The following ZNF26 variants were observed in gnomAD, a reference collection of about 807,000 sequenced individuals.
ZNF26 encodes the protein epididymis luminal protein 179.
Under a neutral mutation model 54.9 loss-of-function variants are expected in ZNF26, and 32 were observed. The ratio of observed to expected loss-of-function variants is 0.58; its 90% CI spans 0.44 to 0.78. The LOEUF is 0.78. Among genes scored for constraint, ZNF26 ranks in the 30% least tolerant of loss-of-function variants. ZNF26 has a pLI of 0.00. For synonymous variants in ZNF26, 221 were observed against 209.2 expected, an observed-to-expected ratio of 1.06 and a Z score of -0.49; for missense variants, 524 against 634.0, an observed-to-expected ratio of 0.83 and a Z score of 1.86.
At chr12:132,997,181 C>T (rs1215894557) in intron 1 of ZNF26, among the ~76,000 whole-genome samples, 2 of 152,220 alleles carry the variant, frequency 1.3e-5, no homozygotes, top group African/African-American at 4.8e-5. Flanking sequence ...TCTTAGAGGC[C>T]TTCCCAGAAC....
At position 133,010,320 on chromosome 12, in the gene ZNF26, A is replaced by G; in HGVS notation, c.441A>G (p.Arg147=). 1 of 1,614,032 alleles carries G rather than the reference A, an allele frequency of 6.2e-7. No homozygotes were observed. The highest frequency in any genetic ancestry group is 1.1e-5 in the South Asian group (1 of 91,052). Residue 147 remains arginine, a synonymous_variant, in exon 4 of 4, where the codon AGA becomes AGG. Transcript: ENST00000328654. The stretch of plus-strand genomic sequence containing the variant: ...CAGCTCCAAGCAGAAGTTATTTAAG[A>G]AAGAATCCTGATAAGTTTCATGGTT... ...QNSAPSRSYL[R]KNPDKFHGYE... is the part of the protein sequence containing the mutation.
chr12:133,024,669 C>G lies in ZNF26; in HGVS notation c.*13188C>G, dbSNP rs1022531270. 3.9e-5 allele frequency: 6 copies of G among 152,162 alleles called. No homozygotes were observed. The highest frequency in any genetic ancestry group is 7.3e-5 in the Non-Finnish European group (5 of 68,030). The allele number at this position is 152,162 out of a possible 1,614,324, so 9.4% of individuals were successfully genotyped here. The stretch of plus-strand genomic sequence containing the variant: ...CCAGAAAGATCTGAAGCGGTGCCTC[C>G]TGACCCCCTTCAATGAATAAACAAA... On this transcript the variant is annotated 3_prime_UTR_variant, in exon 4 of 4. Coordinates refer to ENST00000328654, the MANE Select transcript of ZNF26 (RefSeq NM_019591.4).
At chr12:132,997,412 A>G (rs1953111548) in intron 1 of ZNF26, among the ~76,000 whole-genome samples, 1 of 152,132 alleles carries the variant, frequency 6.6e-6, no homozygotes. Context: ...AGTCCAGAAC[A>G]GGGGTTAATC....
chr12:133,010,754 G>T lies in ZNF26; in HGVS notation c.875G>T (p.Gly292Val). ...GVKPYECSEC[G>V]KAFSLKSPFV... ...AAACCGTATGAATGCAGCGAATGTG[G>T]GAAAGCCTTTAGTTTGAAGTCTCCA... Residue 292 changes from glycine to valine, a missense_variant, in exon 4 of 4, where the codon GGG becomes GTG. Coordinates refer to ENST00000328654, the MANE Select transcript of ZNF26 (RefSeq NM_019591.4). 1 of 1,613,566 alleles carries T rather than the reference G, an allele frequency of 6.2e-7. No individual in the cohort carries two copies. The highest frequency in any genetic ancestry group is 1.7e-5 in the Admixed American group (1 of 59,996).
At chr12:132,991,483 G>T (rs1454934651) in intron 1 of ZNF26, among the ~76,000 whole-genome samples, 1 of 151,630 alleles carries the variant, frequency 6.6e-6, no homozygotes, top group Non-Finnish European at 1.5e-5. Context: ...GGGCGACAGA[G>T]CGAGACTCAA....
intron 1 of ZNF26, among the ~76,000 whole-genome samples, chr12:132,991,630 CAA>C (rs1296804934): frequency 2.9e-5 from 2 of 68,262 alleles, no homozygotes; most frequent in Admixed American, 2.4e-4. Context: ...ACAACAACAA[CAA>C]AAAAAAAAAA....
intron 1 of ZNF26, chr12:133,006,059 T>G (rs1953317538): frequency 1.0e-6 from 1 of 984,808 alleles, no homozygotes. Flanking sequence ...CATAATAGAT[T>G]TGCCAGTTTT....
In ZNF26 at chr12:133,013,883, A is replaced by G. The variant is rs1414106453; in HGVS notation, c.*2402A>G. The G allele has an allele frequency of 6.5e-6, 1 of 152,914 alleles. No homozygotes were observed. The highest frequency in any genetic ancestry group is 1.9e-4 in the East Asian group (1 of 5,204). 9.5% of individuals were successfully genotyped at this position (152,914 alleles called of 1,614,324 possible). On this transcript the variant is annotated 3_prime_UTR_variant, in exon 4 of 4. Coordinates refer to ENST00000328654, the MANE Select transcript of ZNF26 (RefSeq NM_019591.4). ...TGGCAATATATAAAATTCAAACTTG[A>G]GTGTCCATAAATAACTGTTGTTGGA...
At chr12:132,997,639 G>A (rs1208931915) in intron 1 of ZNF26, among the ~76,000 whole-genome samples, 1 of 152,204 alleles carries the variant, frequency 6.6e-6, no homozygotes, top group Non-Finnish European at 1.5e-5. Flanking sequence ...AACAGATTAG[G>A]CCAAGGAGGG....
chr12:132,990,621 G>A (rs1197115391), intron 1 of ZNF26, among the ~76,000 whole-genome samples: 2 of 152,158 alleles, frequency 1.3e-5, no homozygotes, highest in Non-Finnish European at 2.9e-5. Context: ...AAAAAGATTG[G>A]TGTGATTTTT....
At position 133,011,672 on chromosome 12, in the gene ZNF26, GA is replaced by G; in HGVS notation, c.*193del. 1 of 458,752 alleles carries G rather than the reference GA, an allele frequency of 2.2e-6. No individual in the cohort carries two copies. Among genetic ancestry groups the G allele is most frequent in the South Asian group, 5.5e-5 (1 of 18,226 alleles). The allele number at this position is 458,752 out of a possible 1,614,324, so 28.4% of individuals were successfully genotyped here. Reference sequence around the variant, plus strand: ...CAAATCTTTGTAGATGAAAATAATGGAAGGAATGTGGAGCAATAAATGTATC... The same window carrying G: ...CAAATCTTTGTAGATGAAAATAATGGAGGAATGTGGAGCAATAAATGTATC... On this transcript the variant is annotated 3_prime_UTR_variant, in exon 4 of 4. Transcript: ENST00000328654.
Position 133,011,321 on chromosome 12 carries a change from C to T in ZNF26, c.1442C>T (p.Pro481Leu). The T allele has an allele frequency of 6.2e-7, 1 of 1,614,026 alleles. No individual in the cohort carries two copies. Among genetic ancestry groups the T allele is most frequent in the Admixed American group, 1.7e-5 (1 of 60,012 alleles). Residue 481 changes from proline to leucine, a missense_variant, in exon 4 of 4, where the codon CCT becomes CTT. Coordinates refer to ENST00000328654, the MANE Select transcript of ZNF26 (RefSeq NM_019591.4). Reference sequence around the variant, plus strand: ...CAGAAAACTCATTCGGGAGAGAAACCTTTTAAATGCAGTGAATGTGGAAAA... The same window carrying T: ...CAGAAAACTCATTCGGGAGAGAAACTTTTTAAATGCAGTGAATGTGGAAAA... ...IHQKTHSGEK[P>L]FKCSECGKAF... is the part of the protein sequence containing the mutation.
chr12:133,010,260 C>G lies in ZNF26; in HGVS notation c.381C>G (p.Leu127=). ...CCCATGATTCTTCAAGACAGAGACTCTATAACACACGTGGAAAAAGTTTGA... is the reference window on the plus strand; with the variant it reads ...CCCATGATTCTTCAAGACAGAGACTGTATAACACACGTGGAAAAAGTTTGA... ...SKTHDSSRQR[L]YNTRGKSLTQ... The change falls in exon 4 of 4, where the codon CTC becomes CTG. Residue 127 remains leucine, a synonymous_variant. Transcript: ENST00000328654. 1.2e-6 allele frequency: 2 copies of G among 1,613,924 alleles called. No homozygotes were observed. Among genetic ancestry groups the G allele is most frequent in the Non-Finnish European group, 1.7e-6 (2 of 1,179,998 alleles).
Position 133,021,583 on chromosome 12 carries a change from T to A in ZNF26, c.*10102T>A, listed in dbSNP as rs1231341979. On this transcript the variant is annotated 3_prime_UTR_variant, in exon 4 of 4. Coordinates refer to ENST00000328654, the MANE Select transcript of ZNF26 (RefSeq NM_019591.4). The stretch of plus-strand genomic sequence containing the variant: ...GCGTTTGAGAACAACCTGGCCAACA[T>A]GGTGAAACCCCCGTCTCTACTAAAA... 1.3e-5 allele frequency: 2 copies of A among 151,266 alleles called. No homozygotes were observed. Among genetic ancestry groups the A allele is most frequent in the Non-Finnish European group, 2.9e-5 (2 of 67,948 alleles). The allele number at this position is 151,266 out of a possible 1,614,324, so 9.4% of individuals were successfully genotyped here.
chr12:132,992,379 A>G (rs1473407630), intron 1 of ZNF26, among the ~76,000 whole-genome samples: 1 of 151,950 alleles, frequency 6.6e-6, no homozygotes, highest in African/African-American at 2.4e-5. Flanking sequence ...TTCTGTAGGT[A>G]AGGTATTTTT....
chr12:133,002,001 G>T (rs1953228417), intron 1 of ZNF26, among the ~76,000 whole-genome samples: 1 of 152,104 alleles, frequency 6.6e-6, no homozygotes. Flanking sequence ...TGTTTGAGAG[G>T]ATGGATACCC....
rs1486053936 is a variant in ZNF26, at chr12:133,021,189, G to T, written c.*9708G>T. The T allele has an allele frequency of 6.8e-6, 1 of 148,128 alleles. No individual in the cohort carries two copies. The highest frequency in any genetic ancestry group is 1.5e-5 in the Non-Finnish European group (1 of 67,614). The allele number at this position is 148,128 out of a possible 1,614,324, so 9.2% of individuals were successfully genotyped here. A position where few individuals can be genotyped will look rare whatever the true frequency, so the allele number is the denominator to read the frequency against. On this transcript the variant is annotated 3_prime_UTR_variant, in exon 4 of 4. Transcript: ENST00000328654. The stretch of plus-strand genomic sequence containing the variant: ...GTTGAAGTGCAGTGGCACCGTGTCG[G>T]CTCACTGCAACCTCTGCCTCCCGGG...
chr12:133,011,877 G>A lies in ZNF26; in HGVS notation c.*396G>A, dbSNP rs1384446738. 3.2e-5 allele frequency: 5 copies of A among 155,436 alleles called. No homozygotes were observed. Among genetic ancestry groups the A allele is most frequent in the African/African-American group, 1.2e-4 (5 of 41,596 alleles). The allele number at this position is 155,436 out of a possible 1,614,324, so 9.6% of individuals were successfully genotyped here. A position where few individuals can be genotyped will look rare whatever the true frequency, so the allele number is the denominator to read the frequency against. The stretch of plus-strand genomic sequence containing the variant: ...GGTATGAACAGTTGACTTCATGGTG[G>A]AGTATAAAGTTGTTTTTTTAAAAAT... On this transcript the variant is annotated 3_prime_UTR_variant, in exon 4 of 4. Coordinates refer to ENST00000328654, the MANE Select transcript of ZNF26 (RefSeq NM_019591.4).
At chr12:133,002,415 A>C (rs1433560134) in intron 1 of ZNF26, among the ~76,000 whole-genome samples, 2 of 151,914 alleles carry the variant, frequency 1.3e-5, no homozygotes, top group Admixed American at 1.3e-4. Flanking sequence ...ATCTCCTCTT[A>C]CACAACCCCC....
Sources: gnomAD v4.1 joint callset for allele counts (sites outside exome capture counted in the v4.1 genomes callset) on GRCh38, gnomAD v4.1.1 for gene constraint, MANE v1.5 for transcripts, NCBI Gene and HGNC (gene_info 2026-07-23, HGNC 2026-07-21) for gene names.